The following KLHL22 variants were observed in gnomAD, a reference collection of about 807,000 sequenced individuals.
KLHL22 encodes the protein kelch like family member 22.
In KLHL22, 18 loss-of-function variants were observed where a neutral mutation model predicts 60.7. The observed-to-expected ratio is 0.30, with a 90% CI of 0.20 to 0.44. The LOEUF (loss-of-function observed/expected upper bound fraction) is 0.44, where lower values mean the gene tolerates loss of function less well. Among genes scored for constraint, KLHL22 ranks in the 20% least tolerant of loss-of-function variants. KLHL22 has a pLI of 1.00. For missense variants in KLHL22, 596 were observed against 852.3 expected (o/e 0.70, Z 3.74); for synonymous variants, 355 against 354.5 (o/e 1.00, Z -0.01).
At chr22:20,486,198 C>G (rs1034465554) in intron 2 of KLHL22, among the ~76,000 whole-genome samples, 1 of 149,020 alleles carries the variant, frequency 6.7e-6, no homozygotes, top group Non-Finnish European at 1.5e-5. Flanking sequence ...AATTTATGTT[C>G]TTTGTAAAAT....
intron 4 of KLHL22, among the ~76,000 whole-genome samples, chr22:20,458,450 T>A (rs1375261691): frequency 7.0e-6 from 1 of 143,788 alleles, no homozygotes; most frequent in African/African-American, 2.5e-5. Context: ...CCGCTATTTT[T>A]TTTTTTTTTT....
chr22:20,474,925 G>A (rs1034473723), intron 2 of KLHL22, among the ~76,000 whole-genome samples: 1 of 152,180 alleles, frequency 6.6e-6, no homozygotes, highest in Non-Finnish European at 1.5e-5. Flanking sequence ...CCTGGTGCCT[G>A]CACCCTCTAC....
intron 2 of KLHL22, among the ~76,000 whole-genome samples, chr22:20,487,018 C>G (rs1012924081): frequency 6.6e-6 from 1 of 152,132 alleles, no homozygotes; most frequent in African/African-American, 2.4e-5. Context: ...CTCCTGGGTT[C>G]AAGTGATTCT....
chr22:20,443,877 G>A (rs1384699184), intron 6 of KLHL22, among the ~76,000 whole-genome samples: 19 of 151,968 alleles, frequency 1.3e-4, no homozygotes, highest in Admixed American at 5.2e-4. Context: ...GCAAAACCCC[G>A]TCTCTACTAA....
In KLHL22 at chr22:20,442,156, G is replaced by T; in HGVS notation, c.1822C>A (p.Arg608Ser). Residue 608 changes from arginine to serine, a missense_variant, in exon 7 of 7, where the codon CGC (arginine) becomes AGC (serine). Physicochemically the swap from Arg to Ser is moderately radical, Grantham distance 110 (BLOSUM62 -1). Transcript: ENST00000328879. ...LLEPPRGTPDRSQADPDFASE... is the reference protein window; with the variant it reads ...LLEPPRGTPDSSQADPDFASE... ...GCAAAGTCCGGGTCGGCCTGGCTGCGGTCAGGGGTCCCGCGGGGCGGCTCA... is the reference window on the plus strand; with the variant it reads ...GCAAAGTCCGGGTCGGCCTGGCTGCTGTCAGGGGTCCCGCGGGGCGGCTCA... 2 of 1,547,900 alleles carry T rather than the reference G, an allele frequency of 1.3e-6. 1 individual carries two copies. Among genetic ancestry groups the T allele is most frequent in the South Asian group, 2.5e-5 (2 of 80,484 alleles).
chr22:20,442,097 C>G lies in KLHL22; in HGVS notation c.1881G>C (p.Glu627Asp), dbSNP rs778786834. Residue 627 changes from glutamate (E) to aspartate (D), a missense_variant, in exon 7 of 7, where the codon GAG becomes GAC. Physicochemically the swap from Glu to Asp is conservative, Grantham distance 45 (BLOSUM62 2). Coordinates refer to ENST00000328879, the MANE Select transcript of KLHL22 (RefSeq NM_032775.4). ...CCTAGTCCTCACTGGAGTTGTCAAA[C>G]TCCTCCCAGTCAGACACACTCATCA... The part of the protein sequence containing the change: ...SEVMSVSDWE[E>D]FDNSSED 1 of 1,507,570 alleles carries G rather than the reference C, an allele frequency of 6.6e-7. No homozygotes were observed. Among genetic ancestry groups the G allele is most frequent in the Admixed American group, 2.3e-5 (1 of 43,822 alleles). 93.4% of individuals were successfully genotyped at this position (1,507,570 alleles called of 1,614,324 possible). A position where few individuals can be genotyped will look rare whatever the true frequency, so the allele number is the denominator to read the frequency against.
chr22:20,446,457 T>C lies in KLHL22; in HGVS notation c.1525A>G (p.Arg509Gly). The C allele has an allele frequency of 6.2e-7, 1 of 1,607,634 alleles. No individual in the cohort carries two copies. Among genetic ancestry groups the C allele is most frequent in the Non-Finnish European group, 8.5e-7 (1 of 1,177,164 alleles). The change falls in exon 6 of 7, where the codon AGG (arginine) becomes GGG (glycine). Residue 509 changes from arginine (R) to glycine (G), a missense_variant. Transcript: ENST00000328879. Reference protein sequence around the residue: ...GGSNNDAGYRRDVHQVACYSC... With the variant: ...GGSNNDAGYRGDVHQVACYSC... ...GCCCCACTCACCTGGTGCACGTCCC[T>C]CCTGTATCCGGCATCGTTGTTGCTG...
Position 20,442,279 on chromosome 22 carries a change from C to A in KLHL22, c.1699G>T (p.Asp567Tyr). The A allele has an allele frequency of 6.2e-7, 1 of 1,613,944 alleles. No homozygotes were observed. Among genetic ancestry groups the A allele is most frequent in the Non-Finnish European group, 8.5e-7 (1 of 1,180,008 alleles). The change falls in exon 7 of 7, where the codon GAT becomes TAT. Residue 567 changes from aspartate (D) to tyrosine (Y), a missense_variant. By Grantham distance (160) the Asp-to-Tyr change is radical. Coordinates refer to ENST00000328879, the MANE Select transcript of KLHL22 (RefSeq NM_032775.4). ...GSRTGYVHIY[D>Y]VEKDCWEEGP... ...TCCTCCCAGCAGTCCTTCTCCACAT[C>A]GTAAATGTGCACGTAGCCTGTGCGG...
At chr22:20,480,895 G>A (rs958339979) in intron 2 of KLHL22, among the ~76,000 whole-genome samples, 20 of 146,982 alleles carry the variant, frequency 1.4e-4, no homozygotes, top group Non-Finnish European at 2.8e-4. Flanking sequence ...GCAGTGGCGC[G>A]ATCTCGGCTC....
chr22:20,455,495 G>A (rs1224264497), intron 5 of KLHL22, among the ~76,000 whole-genome samples: 1 of 152,200 alleles, frequency 6.6e-6, no homozygotes, highest in Non-Finnish European at 1.5e-5. Context: ...TTAGATATGA[G>A]CAGGGAAGTG....
intron 2 of KLHL22, chr22:20,484,099 A>C: frequency 1.1e-6 from 1 of 943,036 alleles, no homozygotes; most frequent in East Asian, 2.8e-5. Flanking sequence ...CGAGTGGTGA[A>C]GCTCATGCTG....
rs150741562 is a variant in KLHL22, at chr22:20,450,554, A to G, written c.1306-3878T>C. ...ATTAGGGATTTTGCTGAAACCCACAATTGTGTTGACCTGACACAAGCAGCT... is the reference window on the plus strand; with the variant it reads ...ATTAGGGATTTTGCTGAAACCCACAGTTGTGTTGACCTGACACAAGCAGCT... On this transcript the variant is annotated intron_variant, in intron 5 of 6. Transcript: ENST00000328879. 4 of 1,613,352 alleles carry G rather than the reference A, an allele frequency of 2.5e-6. No individual in the cohort carries two copies. The African/African-American group carries it at 4.0e-5, about 16-fold the overall frequency.
chr22:20,471,262 C>G, intron 3 of KLHL22, 88 bp downstream of exon 3: 1 of 1,304,386 alleles, frequency 7.7e-7, no homozygotes, highest in Non-Finnish European at 1.1e-6. Context: ...CATCTTCAAG[C>G]CAATGCTAGT....
At chr22:20,486,446 C>T (rs1243240277) in intron 2 of KLHL22, among the ~76,000 whole-genome samples, 6 of 152,076 alleles carry the variant, frequency 3.9e-5, no homozygotes, top group Non-Finnish European at 5.9e-5. Flanking sequence ...CTGGGTGCAT[C>T]GTCCCACAGG....
Position 20,451,425 on chromosome 22 carries a change from C to T in KLHL22, c.1306-4749G>A, listed in dbSNP as rs183610867. ...TCCACTGTCTAGGAGGATATGACGG[C>T]TTGAATATCTTAAATTCAGTTGAGA... is the stretch of plus-strand genomic sequence containing the variant. On this transcript the variant is annotated intron_variant, in intron 5 of 6. Transcript: ENST00000328879. 3.4e-4 allele frequency: 539 copies of T among 1,607,400 alleles called. 3 individuals carry two copies. In the African/African-American group the frequency reaches 6.4e-3, roughly 19 times the overall value.
chr22:20,447,244 G>A (rs939302752), intron 5 of KLHL22, among the ~76,000 whole-genome samples: 2 of 152,166 alleles, frequency 1.3e-5, no homozygotes, highest in African/African-American at 2.4e-5. Flanking sequence ...GGCCCAGCCT[G>A]CCCCCATCAT....
chr22:20,467,414 G>A (rs1273246287), intron 3 of KLHL22, among the ~76,000 whole-genome samples: 1 of 152,146 alleles, frequency 6.6e-6, no homozygotes. Context: ...CTATACATAA[G>A]TTCCCCTAAT....
chr22:20,472,647 ACCCGGGAGGCG>A, intron 2 of KLHL22, among the ~76,000 whole-genome samples: 1 of 152,034 alleles, frequency 6.6e-6, no homozygotes, highest in Non-Finnish European at 1.5e-5. Context: ...AATCGCTTGA[ACCCGGGAGGCG>A]GAGGTTGCAG....
chr22:20,477,555 A>G (rs983921891), intron 2 of KLHL22, among the ~76,000 whole-genome samples: 2 of 152,132 alleles, frequency 1.3e-5, no homozygotes, highest in African/African-American at 4.8e-5. Flanking sequence ...GCAGTGAGCT[A>G]TGATGACACC....
Sources: gnomAD v4.1 joint callset for allele counts (sites outside exome capture counted in the v4.1 genomes callset) on GRCh38, gnomAD v4.1.1 for gene constraint, MANE v1.5 for transcripts, NCBI Gene and HGNC (gene_info 2026-07-23, HGNC 2026-07-21) for gene names.